Variants in DNER observed in about 807,000 individuals in gnomAD.
DNER encodes delta/notch like EGF repeat containing.
DNER carries 33 observed loss-of-function variants against 78.2 expected under a neutral mutation model. The observed-to-expected ratio is 0.42, with a 90% CI of 0.32 to 0.56. The LOEUF is 0.56. DNER is among the 20% of genes least tolerant of loss of function. The pLI is 0.11. For synonymous variants in DNER, 417 were observed against 384.8 expected (o/e 1.08, Z -0.98); for missense variants, 918 against 975.3 (o/e 0.94, Z 0.78).
At chr2:229,588,266 C>T (rs1426366979) in intron 3 of DNER, 128 bp downstream of exon 3, 1 of 771,534 alleles carries the variant, frequency 1.3e-6, no homozygotes, top group African/African-American at 1.7e-5. Context: ...GGGGCCACAT[C>T]TACCCGTGGA....
chr2:229,372,834 G>C (rs766838490), intron 11 of DNER, among the ~76,000 whole-genome samples: 9 of 152,088 alleles, frequency 5.9e-5, no homozygotes, highest in Non-Finnish European at 1.2e-4. Flanking sequence ...TGCTGTGTTA[G>C]GGGGGAATCA....
chr2:229,632,437 A>T (rs1051904115), intron 1 of DNER, among the ~76,000 whole-genome samples: 16 of 152,212 alleles, frequency 1.1e-4, no homozygotes, highest in African/African-American at 3.9e-4. Context: ...TAAGAACTCA[A>T]TTTCACAAAC....
chr2:229,589,658 C>T (rs954409304), intron 2 of DNER, among the ~76,000 whole-genome samples: 2 of 152,062 alleles, frequency 1.3e-5, no homozygotes, highest in Non-Finnish European at 2.9e-5. Context: ...TGTAAAATAA[C>T]ATGACTTTAA....
rs1005205183 is a variant in DNER, at chr2:229,358,432, A to C, written c.*108T>G. 1 of 900,304 alleles carries C rather than the reference A, an allele frequency of 1.1e-6. No homozygotes were observed. Among genetic ancestry groups the C allele is most frequent in the Non-Finnish European group, 1.6e-6 (1 of 629,924 alleles). 55.8% of individuals were successfully genotyped at this position (900,304 alleles called of 1,614,324 possible). A position where few individuals can be genotyped will look rare whatever the true frequency, so the allele number is the denominator to read the frequency against. Reference sequence around the variant, plus strand: ...AAATTAGTTCTTAAATATTCTACTGAAAACTCTTGAGCAGCTAGCATTTTA... The same window carrying C: ...AAATTAGTTCTTAAATATTCTACTGCAAACTCTTGAGCAGCTAGCATTTTA... On this transcript the variant is annotated 3_prime_UTR_variant, in exon 13 of 13. Coordinates refer to ENST00000341772, the MANE Select transcript of DNER (RefSeq NM_139072.4).
At chr2:229,475,004 C>T (rs1220598828) in intron 7 of DNER, among the ~76,000 whole-genome samples, 1 of 152,152 alleles carries the variant, frequency 6.6e-6, no homozygotes, top group Non-Finnish European at 1.5e-5. Context: ...TTCAAAGTTC[C>T]CTGCTTATCA....
At position 229,509,452 on chromosome 2, in the gene DNER, T is replaced by C. The variant is rs563322192; in HGVS notation, c.1147+3331A>G. Reference sequence around the variant, plus strand: ...TGAGTGTCCACAATTTGTCAGACACTGTGGGAATACAATCATGAACAAAAC... The same window carrying C: ...TGAGTGTCCACAATTTGTCAGACACCGTGGGAATACAATCATGAACAAAAC... On this transcript the variant is annotated intron_variant, in intron 6 of 12. Coordinates refer to ENST00000341772, the MANE Select transcript of DNER (RefSeq NM_139072.4). Among the ~76,000 whole-genome samples the C allele has an allele frequency of 3.3e-5, 5 of 152,372 alleles. No homozygotes were observed. The East Asian group carries it at 9.6e-4, about 29-fold the overall frequency.
chr2:229,521,534 C>T (rs1696098139), intron 5 of DNER, among the ~76,000 whole-genome samples: 1 of 152,176 alleles, frequency 6.6e-6, no homozygotes, highest in African/African-American at 2.4e-5. Context: ...AGATACAAAA[C>T]AGTAACCATT....
At chr2:229,373,184 G>T (rs542806645) in intron 11 of DNER, among the ~76,000 whole-genome samples, 1 of 152,084 alleles carries the variant, frequency 6.6e-6, no homozygotes, top group Non-Finnish European at 1.5e-5. Flanking sequence ...GAAAATATTC[G>T]CAAATGATGC....
intron 4 of DNER, among the ~76,000 whole-genome samples, chr2:229,565,384 A>G (rs1188546136): frequency 6.6e-6 from 1 of 152,202 alleles, no homozygotes; most frequent in Non-Finnish European, 1.5e-5. Flanking sequence ...ATGCAAGTAA[A>G]TGATTTTTAC....
chr2:229,599,462 CT>C (rs1355881373), intron 1 of DNER, among the ~76,000 whole-genome samples: 2 of 152,126 alleles, frequency 1.3e-5, no homozygotes, highest in African/African-American at 4.8e-5. Context: ...GGGGGCTCCC[CT>C]GTATGTTGTA....
rs530531817 is a variant in DNER, at chr2:229,563,632, A to T, written c.848-16540T>A. Among the ~76,000 whole-genome samples, 691 of 141,792 alleles carry T rather than the reference A, an allele frequency of 4.9e-3. 11 individuals carry two copies. The highest frequency in any genetic ancestry group is 0.017 in the African/African-American group (626 of 37,112). 93.0% of individuals were successfully genotyped at this position (141,792 alleles called of 152,430 possible). On this transcript the variant is annotated intron_variant, in intron 4 of 12. Coordinates refer to ENST00000341772, the MANE Select transcript of DNER (RefSeq NM_139072.4). ...CCATCATCATCATCACCCCATCACC[A>T]ACATCATCAACATCATCATCACCCC...
chr2:229,600,368 A>T (rs978313570), intron 1 of DNER, among the ~76,000 whole-genome samples: 1 of 152,210 alleles, frequency 6.6e-6, no homozygotes, highest in African/African-American at 2.4e-5. Flanking sequence ...CCTGATCTAG[A>T]CAGTACAGAC....
chr2:229,372,938 T>C (rs1692519481), intron 11 of DNER, among the ~76,000 whole-genome samples: 1 of 151,988 alleles, frequency 6.6e-6, no homozygotes, highest in African/African-American at 2.4e-5. Flanking sequence ...GTTGGATGGA[T>C]GAGGTGCTGT....
intron 10 of DNER, among the ~76,000 whole-genome samples, chr2:229,395,468 A>G (rs749265433): frequency 3.7e-4 from 56 of 152,292 alleles, no homozygotes; most frequent in Non-Finnish European, 6.3e-4. Context: ...GCACTGTCCA[A>G]TCCTGTAGTG....
chr2:229,408,993 A>C (rs2106344872), intron 9 of DNER, among the ~76,000 whole-genome samples: 1 of 152,258 alleles, frequency 6.6e-6, no homozygotes, highest in East Asian at 1.9e-4. Context: ...GCCATGTCTT[A>C]GTTTCCTCTG....
At chr2:229,658,835 A>C (rs1698956713) in intron 1 of DNER, among the ~76,000 whole-genome samples, 1 of 152,206 alleles carries the variant, frequency 6.6e-6, no homozygotes, top group African/African-American at 2.4e-5. Flanking sequence ...AAAAAAGTAG[A>C]CTTAACTTTT....
At chr2:229,422,323 C>G (rs1237619846) in intron 8 of DNER, among the ~76,000 whole-genome samples, 1 of 152,150 alleles carries the variant, frequency 6.6e-6, no homozygotes, top group African/African-American at 2.4e-5. Context: ...TAGGCTAATC[C>G]AAAGATTTTT....
intron 5 of DNER, among the ~76,000 whole-genome samples, chr2:229,531,818 G>A (rs1696308941): frequency 6.6e-6 from 1 of 152,166 alleles, no homozygotes; most frequent in Non-Finnish European, 1.5e-5. Flanking sequence ...ACATTACTCA[G>A]CCATATAAAG....
chr2:229,519,108 C>G (rs1574881963), intron 5 of DNER, among the ~76,000 whole-genome samples: 2 of 152,076 alleles, frequency 1.3e-5, no homozygotes, highest in African/African-American at 4.8e-5. Flanking sequence ...CTGATTCTGA[C>G]TTTTTTGATA....
Sources: allele counts gnomAD v4.1 joint callset (sites outside exome capture counted in the v4.1 genomes callset), GRCh38; gene constraint gnomAD v4.1.1; transcripts MANE v1.5; gene names NCBI Gene and HGNC (gene_info 2026-07-23, HGNC 2026-07-21).